The following ARHGAP23 variants were observed in gnomAD, a reference collection of about 807,000 sequenced individuals.
ARHGAP23 encodes Rho GTPase activating protein 23.
Under a neutral mutation model 136.3 loss-of-function variants are expected in ARHGAP23, and 34 were observed. The observed-to-expected ratio is 0.25, with a 90% confidence interval of 0.19 to 0.33. ARHGAP23 has a LOEUF of 0.33. ARHGAP23 is among the 10% of genes least tolerant of loss of function. The pLI is 1.00. For missense variants in ARHGAP23, 1,808 were observed against 2,139.0 expected, an observed-to-expected ratio of 0.85 and a Z score of 3.05; for synonymous variants, 832 against 920.5, an observed-to-expected ratio of 0.90 and a Z score of 1.74.
At chr17:38,450,159 C>T (rs1182229598) in intron 1 of ARHGAP23, among the ~76,000 whole-genome samples, 3 of 152,164 alleles carry the variant, frequency 2.0e-5, no homozygotes, top group African/African-American at 4.8e-5. Flanking sequence ...TGAAGGCAGC[C>T]GGCTTTGGCC....
At chr17:38,476,582 G>A (rs2039896559) in intron 11 of ARHGAP23, among the ~76,000 whole-genome samples, 1 of 152,182 alleles carries the variant, frequency 6.6e-6, no homozygotes, top group African/African-American at 2.4e-5. Context: ...GAGAGACGCT[G>A]GGCTTGGGAA....
At chr17:38,420,096 T>A (rs1257500219) in intron 1 of ARHGAP23, among the ~76,000 whole-genome samples, 2 of 152,160 alleles carry the variant, frequency 1.3e-5, no homozygotes, top group Admixed American at 1.3e-4. Context: ...ACACTGAGTG[T>A]GGGCTGGGCT....
Position 38,510,148 on chromosome 17 carries a change from C to A in ARHGAP23, c.3652C>A (p.Pro1218Thr). 1.6e-6 allele frequency: 2 copies of A among 1,280,654 alleles called. No individual in the cohort carries two copies. Among genetic ancestry groups the A allele is most frequent in the South Asian group, 3.0e-5 (1 of 33,674 alleles). The allele number at this position is 1,280,654 out of a possible 1,614,324, so 79.3% of individuals were successfully genotyped here. Reference sequence around the variant, plus strand: ...TCAGGAGCGGCCGCAGGGGCCGCTGCCTGGCGCCGTCGCCCCCGAGGCCCC... The same window carrying A: ...TCAGGAGCGGCCGCAGGGGCCGCTGACTGGCGCCGTCGCCCCCGAGGCCCC... ...GTQERPQGPL[P>T]GAVAPEAPGR... Residue 1218 changes from proline (P) to threonine (T), a missense_variant, in exon 24 of 24, where the codon CCT (proline) becomes ACT (threonine). Physicochemically the swap from Pro to Thr is conservative, Grantham distance 38 (BLOSUM62 -1). This residue lies in a region of ARHGAP23 where 506 missense variants were observed against 455.8 expected (regional missense o/e 1.11). Transcript: ENST00000622683. The surrounding 1 kb of genome is among the most constrained non-coding windows in gnomAD (Gnocchi z 4.6).
At chr17:38,431,129 A>G (rs147373803) in intron 1 of ARHGAP23, among the ~76,000 whole-genome samples, 190 of 152,236 alleles carry the variant, frequency 1.2e-3, no homozygotes, top group African/African-American at 3.4e-3. Context: ...GCTTCTCAGG[A>G]CCTGCTATGT....
At chr17:38,434,874 T>C (rs970497479) in intron 1 of ARHGAP23, among the ~76,000 whole-genome samples, 3 of 152,120 alleles carry the variant, frequency 2.0e-5, no homozygotes, top group Non-Finnish European at 2.9e-5. Context: ...ACCTGGGCAA[T>C]CCAGAGCTTT....
chr17:38,494,844 G>GGA (rs2040355885), intron 20 of ARHGAP23, among the ~76,000 whole-genome samples: 1 of 152,178 alleles, frequency 6.6e-6, no homozygotes, highest in Non-Finnish European at 1.5e-5. Context: ...CAGGGTGGCA[G>GGA]GAACTAGTGT....
chr17:38,490,988 G>A (rs1355231453), intron 19 of ARHGAP23, among the ~76,000 whole-genome samples: 4 of 152,296 alleles, frequency 2.6e-5, no homozygotes, highest in African/African-American at 7.2e-5. Flanking sequence ...GCACGATCTC[G>A]GCTTACTGCA....
intron 11 of ARHGAP23, 126 bp downstream of exon 11, chr17:38,472,132 G>T (rs2039775095): frequency 8.4e-7 from 1 of 1,192,286 alleles, no homozygotes; most frequent in Non-Finnish European, 1.1e-6. Flanking sequence ...AAGGATGGAG[G>T]TTAGATGCTA....
chr17:38,494,460 G>C (rs72823864), intron 20 of ARHGAP23, among the ~76,000 whole-genome samples: 23 of 151,862 alleles, frequency 1.5e-4, no homozygotes, highest in Non-Finnish European at 1.5e-5. Context: ...GTGGTGGTGC[G>C]TGTCTGTGGT....
chr17:38,452,382 A>C (rs1319236209), intron 1 of ARHGAP23: 1 of 152,100 alleles, frequency 6.6e-6, no homozygotes, highest in Non-Finnish European at 1.5e-5. Context: ...ATGGGAGGGA[A>C]GGGGAGCTGC....
chr17:38,459,751 A>G (rs548873904), intron 2 of ARHGAP23, among the ~76,000 whole-genome samples: 6 of 152,314 alleles, frequency 3.9e-5, no homozygotes, highest in South Asian at 4.1e-4. Flanking sequence ...CCCGTCCTTC[A>G]TGCTGCCACC....
At chr17:38,421,264 A>G (rs1175406103) in intron 1 of ARHGAP23, among the ~76,000 whole-genome samples, 8 of 152,192 alleles carry the variant, frequency 5.3e-5, no homozygotes, top group Non-Finnish European at 1.0e-4. Context: ...TCTGCCAGCT[A>G]TGCCAAGTGG....
intron 22 of ARHGAP23, among the ~76,000 whole-genome samples, chr17:38,499,129 G>C (rs1299929652): frequency 6.6e-6 from 1 of 152,118 alleles, no homozygotes; most frequent in African/African-American, 2.4e-5. Flanking sequence ...CCATTCTAAA[G>C]CCCCTTCTCA....
chr17:38,490,168 G>A lies in ARHGAP23; in HGVS notation c.3053G>A (p.Arg1018Gln), dbSNP rs1435456900. 4.5e-6 allele frequency: 7 copies of A among 1,551,500 alleles called. No individual in the cohort carries two copies. The Admixed American group carries it at 5.9e-5, about 13-fold the overall frequency. The part of the protein sequence containing the change: ...EDARERMRTL[R>Q]KLIRDLPGHY... ...GCGCGGGAGCGAATGAGGACGCTGC[G>A]GAAGCTGGTAAGGAGAGAGAGGTGC... is the stretch of plus-strand genomic sequence containing the variant. Residue 1018 changes from arginine to glutamine, a missense_variant, in exon 18 of 24, where the codon CGG (arginine) becomes CAG (glutamine). Physicochemically the swap from Arg to Gln is conservative, Grantham distance 43. Around this residue, in one of 7 missense-constraint regions of ARHGAP23, gnomAD observed 105 missense variants for 200.6 expected, o/e 0.52. Transcript: ENST00000622683.
intron 16 of ARHGAP23, among the ~76,000 whole-genome samples, chr17:38,483,152 T>A (rs1365542975): frequency 6.6e-6 from 1 of 152,192 alleles, no homozygotes; most frequent in Non-Finnish European, 1.5e-5. Context: ...CTCCTTCTCT[T>A]CCTAATCCTT....
At chr17:38,485,709 G>C (rs993444706) in intron 16 of ARHGAP23, among the ~76,000 whole-genome samples, 7 of 152,180 alleles carry the variant, frequency 4.6e-5, no homozygotes, top group Non-Finnish European at 7.3e-5. Flanking sequence ...CCTGAGACAG[G>C]AAGGAGCCGG....
At chr17:38,449,417 C>T (rs9303308) in intron 1 of ARHGAP23, among the ~76,000 whole-genome samples, 1 of 152,074 alleles carries the variant, frequency 6.6e-6, no homozygotes, top group South Asian at 2.1e-4. Flanking sequence ...GAGGGCGCTG[C>T]GGAGACACAG....
At chr17:38,457,985 C>A in intron 1 of ARHGAP23, 117 bp from the exon 2 acceptor site, 1 of 1,308,384 alleles carries the variant, frequency 7.6e-7, no homozygotes, top group Non-Finnish European at 1.0e-6. Flanking sequence ...CCTGGCAACC[C>A]TAGGGCGAAA....
rs1472154674 is a variant in ARHGAP23, at chr17:38,482,066, A to G, written c.2674A>G (p.Ile892Val). Residue 892 changes from isoleucine (I) to valine (V), a missense_variant, in exon 15 of 24, where the codon ATC becomes GTC. Physicochemically the swap from Ile to Val is conservative, Grantham distance 29. Transcript: ENST00000622683. Reference sequence around the variant, plus strand: ...CAAAACCCCCTGGGGCATCAACATCATCAAGAAAAATAAGAAGGCCGCTCC... The same window carrying G: ...CAAAACCCCCTGGGGCATCAACATCGTCAAGAAAAATAAGAAGGCCGCTCC... The part of the protein sequence containing the change: ...APKTPWGINI[I>V]KKNKKAAPRA... 6.5e-7 allele frequency: 1 copy of G among 1,549,960 alleles called. No homozygotes were observed. Among genetic ancestry groups the G allele is most frequent in the Admixed American group, 2.0e-5 (1 of 50,748 alleles).
Sources: gnomAD v4.1 joint callset for allele counts (sites outside exome capture counted in the v4.1 genomes callset) on GRCh38, gnomAD v4.1.1 for gene constraint, gnomAD v4.1.1 regional missense constraint, Gnocchi (gnomAD v3.1) non-coding constraint, MANE v1.5 for transcripts, NCBI Gene and HGNC (gene_info 2026-07-23, HGNC 2026-07-21) for gene names.